RAP1GAP2: variants seen among roughly 807,000 people sequenced by gnomAD.
The protein encoded by RAP1GAP2 is rap1 GTPase-activating protein 2.
A neutral mutation model predicts 95.0 loss-of-function variants in RAP1GAP2; 27 were observed. The observed-to-expected ratio is 0.28, with a 90% CI of 0.21 to 0.39. The LOEUF (loss-of-function observed/expected upper bound fraction) is 0.39. Among genes scored for constraint, RAP1GAP2 ranks in the 10% least tolerant of loss-of-function variants. RAP1GAP2 has a pLI of 1.00. For synonymous variants in RAP1GAP2, 373 were observed against 380.9 expected, an observed-to-expected ratio of 0.98 and a Z score of 0.24; for missense variants, 771 against 970.0, an observed-to-expected ratio of 0.79 and a Z score of 2.72.
chr17:2,834,789 CCT>C (rs2071057413), intron 2 of RAP1GAP2, among the ~76,000 whole-genome samples: 1 of 151,648 alleles, frequency 6.6e-6, no homozygotes. Flanking sequence ...AGAGTGAGAC[CCT>C]GTCTCAAAAA....
intron 3 of RAP1GAP2, among the ~76,000 whole-genome samples, chr17:2,932,106 A>C (rs1367979697): frequency 6.6e-6 from 1 of 152,214 alleles, no homozygotes; most frequent in Non-Finnish European, 1.5e-5. Flanking sequence ...GTGGAGGAGG[A>C]TGTTAACAGG....
chr17:2,827,160 C>A lies in RAP1GAP2; in HGVS notation c.80+26610C>A, dbSNP rs1231820572. Among the ~76,000 whole-genome samples, 1 of 152,104 alleles carries A rather than the reference C, an allele frequency of 6.6e-6. No homozygotes were observed. Among genetic ancestry groups the A allele is most frequent in the South Asian group, 2.1e-4 (1 of 4,832 alleles). ...GTAGCAGAGAAGATGATGCCTTCGG[C>A]CTTGAGTGTGGTGCGTTTGAGGAGC... On this transcript the variant is annotated intron_variant, in intron 2 of 24. Transcript: ENST00000254695. The surrounding 1 kb of genome is among the most constrained non-coding windows in gnomAD (Gnocchi z 4.1).
At chr17:2,958,310 C>T (rs896438138) in intron 4 of RAP1GAP2, among the ~76,000 whole-genome samples, 9 of 152,112 alleles carry the variant, frequency 5.9e-5, no homozygotes, top group East Asian at 1.9e-4. Context: ...ATGAGATAAT[C>T]GGTGTAAATA....
At chr17:2,969,179 CTA>C (rs769314712) in intron 8 of RAP1GAP2, among the ~76,000 whole-genome samples, 5 of 143,112 alleles carry the variant, frequency 3.5e-5, no homozygotes, top group African/African-American at 1.0e-4. Flanking sequence ...ATCTATCTAT[CTA>C]TATATATATA....
rs774465662 is a variant in RAP1GAP2 at position 2,943,157 on chromosome 17, C to T, written c.166-14602C>T. ...CCTCCCCCCAAGCCCCTGACAATCA[C>T]GAATCTGTTTTCTGTCTTTATAGAT... On this transcript the variant is annotated intron_variant, in intron 3 of 24. Transcript: ENST00000254695. Among the ~76,000 whole-genome samples, 25 of 151,628 alleles carry T rather than the reference C, an allele frequency of 1.6e-4. 1 individual carries two copies. The highest frequency in any genetic ancestry group is 3.5e-4 in the Non-Finnish European group (24 of 67,964).
chr17:2,927,299 A>T (rs374070106), intron 3 of RAP1GAP2, among the ~76,000 whole-genome samples: 3 of 151,502 alleles, frequency 2.0e-5, no homozygotes, highest in Non-Finnish European at 4.4e-5. Flanking sequence ...GACTACAGGC[A>T]CCCGCCACCG....
At position 3,005,551 on chromosome 17, in the gene RAP1GAP2, C is replaced by T. The variant is rs760575943; in HGVS notation, c.1272+111C>T. The stretch of plus-strand genomic sequence containing the variant: ...TCAGGCTGGGAACATTAGGGAGCTC[C>T]TTTTGCAGGTTTTGGGGGGAACCTC... On this transcript the variant is annotated intron_variant, in intron 15 of 24. Transcript: ENST00000254695. The surrounding 1 kb of genome is among the most constrained non-coding windows in gnomAD (Gnocchi z 5.2). 57 of 1,271,584 alleles carry T rather than the reference C, an allele frequency of 4.5e-5. No homozygotes were observed. The highest frequency in any genetic ancestry group is 3.4e-6 in the Non-Finnish European group (3 of 870,026). 78.8% of individuals were successfully genotyped at this position (1,271,584 alleles called of 1,614,324 possible). A position where few individuals can be genotyped will look rare whatever the true frequency, so the allele number is the denominator to read the frequency against.
At chr17:2,970,224 A>G (rs1320149276) in intron 8 of RAP1GAP2, among the ~76,000 whole-genome samples, 1 of 134,086 alleles carries the variant, frequency 7.5e-6, no homozygotes, top group Non-Finnish European at 1.5e-5. Context: ...CAGTGAGCCG[A>G]TTTGGCGCCA....
chr17:2,901,923 C>G lies in RAP1GAP2; in HGVS notation c.81-3361C>G, dbSNP rs536578268. Among the ~76,000 whole-genome samples, 3 of 152,256 alleles carry G rather than the reference C, an allele frequency of 2.0e-5. No individual in the cohort carries two copies. The East Asian group carries it at 5.8e-4, about 29-fold the overall frequency. On this transcript the variant is annotated intron_variant, in intron 2 of 24. Coordinates refer to ENST00000254695, the MANE Select transcript of RAP1GAP2 (RefSeq NM_015085.5). ...TGGCTCTCTAGGCCAAGGCTAGAAC[C>G]TGGGGCCTGGGCACTGCATTCATTT... is the stretch of plus-strand genomic sequence containing the variant.
intron 2 of RAP1GAP2, among the ~76,000 whole-genome samples, chr17:2,868,516 A>ATTTTTTTTTTTTTTTTTTTTT (rs71153307): frequency 8.1e-6 from 1 of 122,832 alleles, no homozygotes; most frequent in African/African-American, 3.0e-5. Context: ...ACCAGGTGCA[A>ATTTTTTTTTTTTTTTTTTTTT]TTTTTTTTTT....
At chr17:2,973,553 C>G (rs1210922507) in intron 8 of RAP1GAP2, among the ~76,000 whole-genome samples, 1 of 152,060 alleles carries the variant, frequency 6.6e-6, no homozygotes, top group Admixed American at 6.6e-5. Flanking sequence ...TGTTGGAACT[C>G]AAGAAATAAT....
chr17:2,846,069 G>C (rs1025952223), intron 2 of RAP1GAP2, among the ~76,000 whole-genome samples: 3 of 151,796 alleles, frequency 2.0e-5, no homozygotes, highest in Admixed American at 2.0e-4. Flanking sequence ...TGTAATCCCA[G>C]CTACTTGGGA....
intron 2 of RAP1GAP2, among the ~76,000 whole-genome samples, chr17:2,813,310 C>T (rs2069854551): frequency 1.3e-5 from 2 of 152,026 alleles, no homozygotes; most frequent in Admixed American, 1.3e-4. Flanking sequence ...CTCCTGACCT[C>T]GTGATCTGCC....
chr17:2,888,601 T>C (rs1027066899), intron 2 of RAP1GAP2, among the ~76,000 whole-genome samples: 6 of 152,138 alleles, frequency 3.9e-5, no homozygotes, highest in Non-Finnish European at 8.8e-5. Flanking sequence ...GGGATTTGGT[T>C]CTTTTTTTAT....
intron 3 of RAP1GAP2, among the ~76,000 whole-genome samples, chr17:2,927,304 C>T (rs1157245830): frequency 3.3e-5 from 5 of 152,048 alleles, no homozygotes; most frequent in Admixed American, 1.3e-4. Context: ...CAGGCACCCG[C>T]CACCGCGCCC....
intron 2 of RAP1GAP2, among the ~76,000 whole-genome samples, chr17:2,851,723 C>T (rs1265926247): frequency 1.3e-5 from 2 of 152,306 alleles, no homozygotes; most frequent in African/African-American, 2.4e-5. Flanking sequence ...TTTGTGCCTT[C>T]ATCATCCCAA....
At chr17:2,876,629 T>G (rs2073108445) in intron 2 of RAP1GAP2, among the ~76,000 whole-genome samples, 1 of 152,158 alleles carries the variant, frequency 6.6e-6, no homozygotes. Flanking sequence ...GGTAGCAGGT[T>G]TCCGAGAGAT....
At chr17:2,764,652 TG>T (rs2068243389) in intron 1 of RAP1GAP2, among the ~76,000 whole-genome samples, 2 of 151,880 alleles carry the variant, frequency 1.3e-5, no homozygotes, top group Non-Finnish European at 2.9e-5. Context: ...ACCTGGGAGG[TG>T]GAGGTTGCAG....
chr17:2,967,014 G>A (rs2044631179), intron 8 of RAP1GAP2, among the ~76,000 whole-genome samples: 1 of 152,142 alleles, frequency 6.6e-6, no homozygotes, highest in African/African-American at 2.4e-5. Flanking sequence ...AATCTATGGG[G>A]GCAGTTAGGA....
Sources: allele counts gnomAD v4.1 joint callset (sites outside exome capture counted in the v4.1 genomes callset), GRCh38; gene constraint gnomAD v4.1.1; non-coding constraint Gnocchi (gnomAD v3.1); transcripts MANE v1.5; gene names NCBI Gene and HGNC (gene_info 2026-07-23, HGNC 2026-07-21).